Variants in NRXN3 observed in about 807,000 individuals in gnomAD.
NRXN3 encodes neurexin III.
In NRXN3, 32 loss-of-function variants were observed where a neutral mutation model predicts 137.6. The observed-to-expected ratio is 0.23, with a 90% CI of 0.18 to 0.31. NRXN3 has a LOEUF of 0.31. Ranked by LOEUF, NRXN3 falls within the 10% of genes least tolerant of loss-of-function variation. The pLI, the probability that NRXN3 is intolerant of heterozygous loss-of-function variation, is 1.00. For missense variants in NRXN3, 1,574 were observed against 2,062.5 expected (o/e 0.76, Z 4.59); for synonymous variants, 798 against 784.5 (o/e 1.02, Z -0.29).
intron 6 of NRXN3, among the ~76,000 whole-genome samples, chr14:78,655,177 T>G (rs2097775231): frequency 6.6e-6 from 1 of 152,186 alleles, no homozygotes; most frequent in African/African-American, 2.4e-5. Flanking sequence ...CTGATCTTAC[T>G]CCAGTCTCAG....
intron 15 of NRXN3, among the ~76,000 whole-genome samples, chr14:79,454,967 T>C (rs1019180225): frequency 6.6e-6 from 1 of 152,234 alleles, no homozygotes; most frequent in Non-Finnish European, 1.5e-5. Context: ...TTATCAATTT[T>C]TGTAAGTGAA....
At chr14:79,656,423 A>G (rs2098505856) in intron 16 of NRXN3, among the ~76,000 whole-genome samples, 1 of 152,184 alleles carries the variant, frequency 6.6e-6, no homozygotes, top group South Asian at 2.1e-4. Context: ...TCTGTGAATG[A>G]GAAGTGGATG....
intron 3 of NRXN3, among the ~76,000 whole-genome samples, chr14:78,289,126 C>T (rs920326106): frequency 2.0e-5 from 3 of 152,200 alleles, no homozygotes; most frequent in South Asian, 2.1e-4. Context: ...TCATCATCAT[C>T]ATCAGTCCAG....
chr14:79,315,815 A>G (rs2088496702), intron 15 of NRXN3, among the ~76,000 whole-genome samples: 1 of 152,250 alleles, frequency 6.6e-6, no homozygotes, highest in Non-Finnish European at 1.5e-5. Flanking sequence ...AAGAAGTTAT[A>G]CTTTAGAAAA....
chr14:78,320,884 G>A (rs1485470860), intron 4 of NRXN3, among the ~76,000 whole-genome samples: 3 of 151,938 alleles, frequency 2.0e-5, no homozygotes, highest in South Asian at 2.1e-4. Context: ...TTGGGAGGCC[G>A]AGGTGGGTGG....
chr14:79,526,941 C>T (rs1235697005), intron 16 of NRXN3, among the ~76,000 whole-genome samples: 2 of 152,118 alleles, frequency 1.3e-5, no homozygotes, highest in Non-Finnish European at 2.9e-5. Context: ...CATAACAGAA[C>T]CCAGAGATGC....
intron 19 of NRXN3, among the ~76,000 whole-genome samples, chr14:79,762,516 C>T (rs551359833): frequency 1.1e-4 from 17 of 151,050 alleles, no homozygotes; most frequent in Non-Finnish European, 2.4e-4. Context: ...GGTAAAATTG[C>T]CAATGAGTTA....
At chr14:78,295,759 G>C (rs892353318) in intron 3 of NRXN3, among the ~76,000 whole-genome samples, 1 of 152,134 alleles carries the variant, frequency 6.6e-6, no homozygotes, top group African/African-American at 2.4e-5. Context: ...GATGTAGATT[G>C]TCAGTGAAAT....
intron 16 of NRXN3, among the ~76,000 whole-genome samples, chr14:79,592,396 TC>T (rs2097814281): frequency 6.6e-6 from 1 of 152,202 alleles, no homozygotes; most frequent in Non-Finnish European, 1.5e-5. Flanking sequence ...ATAAAATATT[TC>T]CAGTCTTCTC....
At chr14:79,268,800 C>A (rs7148784) in intron 15 of NRXN3, among the ~76,000 whole-genome samples, 1 of 152,070 alleles carries the variant, frequency 6.6e-6, no homozygotes, top group Non-Finnish European at 1.5e-5. Flanking sequence ...AATTGTAAAA[C>A]AGAGATACTT....
intron 14 of NRXN3, among the ~76,000 whole-genome samples, chr14:78,970,378 A>T (rs549429314): frequency 1.3e-5 from 2 of 151,634 alleles, no homozygotes; most frequent in Admixed American, 6.5e-5. Context: ...TGTAATAGAG[A>T]TAAAATTATC....
chr14:79,447,992 T>C (rs1189957888), intron 15 of NRXN3, among the ~76,000 whole-genome samples: 1 of 152,240 alleles, frequency 6.6e-6, no homozygotes, highest in Non-Finnish European at 1.5e-5. Context: ...CTTAGAAAGC[T>C]GTGCAGTCAT....
chr14:79,353,383 T>G (rs2093302504), intron 15 of NRXN3, among the ~76,000 whole-genome samples: 1 of 152,102 alleles, frequency 6.6e-6, no homozygotes, highest in South Asian at 2.1e-4. Flanking sequence ...AGATATATGC[T>G]GAGCTTCCTC....
intron 10 of NRXN3, among the ~76,000 whole-genome samples, chr14:78,910,626 C>G (rs928310118): frequency 6.6e-6 from 1 of 152,056 alleles, no homozygotes; most frequent in African/African-American, 2.4e-5. Flanking sequence ...TGCCCTTGCC[C>G]TGGTCACTCT....
rs773266627 is a variant in NRXN3 at position 78,369,285 on chromosome 14, C to CA, written c.757+71438dup. 9.1e-3 allele frequency among the ~76,000 whole-genome samples: 1,199 copies of CA among 132,154 alleles called. 9 individuals carry two copies. Among genetic ancestry groups the CA allele is most frequent in the Non-Finnish European group, 0.012 (718 of 60,346 alleles). The allele number at this position is 132,154 out of a possible 152,430, so 86.7% of individuals were successfully genotyped here. A position where few individuals can be genotyped will look rare whatever the true frequency, so the allele number is the denominator to read the frequency against. On this transcript the variant is annotated intron_variant, in intron 4 of 20. Transcript: ENST00000335750. ...AGTGCTTTGCCAATAAAGGTTTTTG[C>CA]AAAAAAAAAAAAAGATGCTATTACT...
rs76384081 is a variant in NRXN3, at chr14:79,364,519, A to C, written c.3263-102702A>C. ...AGAGGAGTCTATCATGCAAGGATGC[A>C]AAGGAGTATGAAATCAGTCACAAAT... On this transcript the variant is annotated intron_variant, in intron 15 of 20. Coordinates refer to ENST00000335750, the MANE Select transcript of NRXN3 (RefSeq NM_001330195.2). Among the ~76,000 whole-genome samples, 1,358 of 152,340 alleles carry C rather than the reference A, an allele frequency of 8.9e-3. 25 individuals are homozygous for C. Among genetic ancestry groups the C allele is most frequent in the African/African-American group, 0.031 (1,282 of 41,580 alleles).
intron 4 of NRXN3, among the ~76,000 whole-genome samples, chr14:78,513,443 TAC>T (rs1222917213): frequency 6.6e-6 from 1 of 152,142 alleles, no homozygotes; most frequent in Non-Finnish European, 1.5e-5. Context: ...AGTGAAAAAT[TAC>T]AGTTATTTCA....
chr14:79,857,763 G>A (rs1347209067), intron 20 of NRXN3, among the ~76,000 whole-genome samples: 1 of 151,950 alleles, frequency 6.6e-6, no homozygotes, highest in Non-Finnish European at 1.5e-5. Flanking sequence ...AAGGACCCCC[G>A]TGTACTGCAG....
In NRXN3 at chr14:79,041,779, G is replaced by T. The variant is rs559799597; in HGVS notation, c.3262+53638G>T. Among the ~76,000 whole-genome samples, 5 of 152,226 alleles carry T rather than the reference G, an allele frequency of 3.3e-5. No homozygotes were observed. In the East Asian group the frequency reaches 9.7e-4, roughly 29 times the overall value. On this transcript the variant is annotated intron_variant, in intron 15 of 20. Coordinates refer to ENST00000335750, the MANE Select transcript of NRXN3 (RefSeq NM_001330195.2). Reference sequence around the variant, plus strand: ...ACTTCATCAACTTCACAATGCAAAGGTGCTACCATAAGTCATAATTCTAAT... The same window carrying T: ...ACTTCATCAACTTCACAATGCAAAGTTGCTACCATAAGTCATAATTCTAAT...
Sources: allele counts gnomAD v4.1 joint callset (sites outside exome capture counted in the v4.1 genomes callset), GRCh38; gene constraint gnomAD v4.1.1; transcripts MANE v1.5; gene names NCBI Gene and HGNC (gene_info 2026-07-23, HGNC 2026-07-21).